ADGRV1: variants seen among roughly 807,000 people sequenced by gnomAD.
The protein encoded by ADGRV1 is adhesion G protein-coupled receptor V1.
ADGRV1 carries 359 observed loss-of-function variants against 596.2 expected under a neutral mutation model. The ratio of observed to expected loss-of-function variants is 0.60; its 90% CI spans 0.55 to 0.66. The LOEUF (loss-of-function observed/expected upper bound fraction) is 0.66, where lower values mean the gene tolerates loss of function less well. Ranked by LOEUF, ADGRV1 falls within the 30% of genes least tolerant of loss-of-function variation. ADGRV1 has a pLI of 0.00. For synonymous variants in ADGRV1, 2,681 were observed against 2,679.2 expected (o/e 1.00, Z -0.02); for missense variants, 7,274 against 7,575.6 (o/e 0.96, Z 1.48).
intron 89 of ADGRV1, among the ~76,000 whole-genome samples, chr5:91,158,578 A>G (rs773201688): frequency 2.6e-5 from 4 of 152,208 alleles, no homozygotes; most frequent in Non-Finnish European, 5.9e-5. Flanking sequence ...GCACTAAAAT[A>G]TGTGTCAGAG....
intron 83 of ADGRV1, among the ~76,000 whole-genome samples, chr5:90,920,920 T>C (rs147107766): frequency 6.6e-6 from 1 of 152,356 alleles, no homozygotes; most frequent in East Asian, 1.9e-4. Flanking sequence ...AACTGCATCC[T>C]ACTTTGTAAA....
intron 83 of ADGRV1, among the ~76,000 whole-genome samples, chr5:90,905,716 C>G (rs971638597): frequency 6.6e-5 from 10 of 151,924 alleles, no homozygotes; most frequent in African/African-American, 2.4e-4. Flanking sequence ...TTTGGATGCC[C>G]TTTATATCTT....
chr5:90,634,412 T>C (rs1436985218), intron 9 of ADGRV1, among the ~76,000 whole-genome samples: 1 of 152,238 alleles, frequency 6.6e-6, no homozygotes, highest in African/African-American at 2.4e-5. Context: ...GAAGTAAAAA[T>C]CTGGAATGAA....
At chr5:90,796,559 A>G (rs1255288782) in intron 70 of ADGRV1, among the ~76,000 whole-genome samples, 1 of 152,220 alleles carries the variant, frequency 6.6e-6, no homozygotes, top group Non-Finnish European at 1.5e-5. Flanking sequence ...TCAGGATATT[A>G]TCCAGGAGAG....
intron 21 of ADGRV1, among the ~76,000 whole-genome samples, chr5:90,665,596 T>C (rs1771206547): frequency 6.6e-6 from 1 of 151,032 alleles, no homozygotes; most frequent in Non-Finnish European, 1.5e-5. Context: ...TGAAGGGTTT[T>C]TTGTGTCTCT....
At chr5:90,691,197 T>C in intron 31 of ADGRV1, 156 bp downstream of exon 31, 1 of 961,524 alleles carries the variant, frequency 1.0e-6, no homozygotes, top group South Asian at 1.3e-5. Flanking sequence ...ATCCTTACAG[T>C]TGACAAAAGC....
chr5:90,940,278 C>T (rs1279701084), intron 83 of ADGRV1, among the ~76,000 whole-genome samples: 5 of 152,216 alleles, frequency 3.3e-5, no homozygotes, highest in Non-Finnish European at 7.3e-5. Flanking sequence ...AGAGCACACT[C>T]AGTGTTCAAA....
rs1191374758 is a variant in ADGRV1 at position 90,776,585 on chromosome 5, T to G, written c.12527+9T>G. 6.2e-7 allele frequency: 1 copy of G among 1,613,132 alleles called. No homozygotes were observed. Among genetic ancestry groups the G allele is most frequent in the Non-Finnish European group, 8.5e-7 (1 of 1,179,304 alleles). ...GGTACCGCTATTATCAGGTAAGGAC[T>G]TCATGATTTTTCTTTGCCTATATGG... is the stretch of plus-strand genomic sequence containing the variant. On this transcript the variant is annotated intron_variant, in intron 61 of 89. Transcript: ENST00000405460.
At chr5:90,711,833 G>A (rs1390410126) in intron 41 of ADGRV1, among the ~76,000 whole-genome samples, 1 of 152,166 alleles carries the variant, frequency 6.6e-6, no homozygotes, top group Non-Finnish European at 1.5e-5. Context: ...TTGGAGTGCA[G>A]TGGTGCGATC....
At chr5:90,962,478 G>A (rs1778120222) in intron 83 of ADGRV1, among the ~76,000 whole-genome samples, 1 of 152,198 alleles carries the variant, frequency 6.6e-6, no homozygotes, top group Non-Finnish European at 1.5e-5. Flanking sequence ...GAACAATGGT[G>A]AAGCTCCATC....
chr5:90,675,643 A>T (rs1374790968), intron 24 of ADGRV1, among the ~76,000 whole-genome samples, 198 bp downstream of exon 24: 1 of 151,958 alleles, frequency 6.6e-6, no homozygotes, highest in South Asian at 2.1e-4. Context: ...ACAAAAAAAG[A>T]AAAAACAGAT....
At chr5:90,769,893 A>G (rs1021674460) in intron 59 of ADGRV1, among the ~76,000 whole-genome samples, 1 of 152,138 alleles carries the variant, frequency 6.6e-6, no homozygotes. Flanking sequence ...CTCTCTACAT[A>G]TTACGAATTG....
At chr5:90,807,208 A>AT (rs1461674837) in intron 72 of ADGRV1, among the ~76,000 whole-genome samples, 3 of 152,186 alleles carry the variant, frequency 2.0e-5, no homozygotes, top group Non-Finnish European at 4.4e-5. Context: ...TTTCTGAAGC[A>AT]TTTTAAAGTA....
intron 69 of ADGRV1, among the ~76,000 whole-genome samples, chr5:90,790,580 G>A (rs1424224526): frequency 2.6e-5 from 4 of 152,070 alleles, no homozygotes; most frequent in Admixed American, 2.6e-4. Flanking sequence ...AAAGTTATTT[G>A]TGGAACTGGA....
At chr5:90,671,683 T>C (rs1439802098) in intron 21 of ADGRV1, among the ~76,000 whole-genome samples, 1 of 152,250 alleles carries the variant, frequency 6.6e-6, no homozygotes, top group Non-Finnish European at 1.5e-5. Context: ...GATGGCATTT[T>C]ATATATTAAA....
rs1745576882 is a variant in ADGRV1 at position 90,686,000 on chromosome 5, G to C, written c.6490+5G>C. The C allele has an allele frequency of 6.4e-7, 1 of 1,556,732 alleles. No homozygotes were observed. The highest frequency in any genetic ancestry group is 1.4e-5 in the African/African-American group (1 of 73,990). On this transcript the variant is annotated splice_donor_5th_base_variant and intron_variant, in intron 29 of 89. Transcript: ENST00000405460. ...TGCCAATAACTGCAATAGCTGGTAA[G>C]AAAAGACATCTAAAAAGCAGTACAT...
intron 4 of ADGRV1, 58 bp from the exon 5 acceptor site, chr5:90,622,539 C>T: frequency 1.5e-6 from 1 of 673,740 alleles, no homozygotes; most frequent in East Asian, 3.3e-5. Flanking sequence ...ATAGTTTTTA[C>T]CGCCTCATAC....
chr5:91,076,347 A>T (rs1180689061), intron 86 of ADGRV1, among the ~76,000 whole-genome samples: 1 of 152,064 alleles, frequency 6.6e-6, no homozygotes, highest in Non-Finnish European at 1.5e-5. Context: ...CTTAGAATGG[A>T]GTGGTCACTT....
At chr5:90,976,768 T>C (rs1297536871) in intron 84 of ADGRV1, among the ~76,000 whole-genome samples, 7 of 152,204 alleles carry the variant, frequency 4.6e-5, no homozygotes, top group Admixed American at 4.6e-4. Context: ...AGTTAAATGA[T>C]TGTATAGCAG....
Sources: gnomAD v4.1 joint callset for allele counts (sites outside exome capture counted in the v4.1 genomes callset) on GRCh38, gnomAD v4.1.1 for gene constraint, MANE v1.5 for transcripts, NCBI Gene and HGNC (gene_info 2026-07-23, HGNC 2026-07-21) for gene names.